MED13: variants seen among roughly 807,000 people sequenced by gnomAD.
The protein encoded by MED13 is mediator of RNA polymerase II transcription subunit 13.
Under a neutral mutation model 225.2 loss-of-function variants are expected in MED13, and 23 were observed. That is an observed-to-expected ratio of 0.10 (90% CI 0.07 to 0.14). MED13 has a LOEUF of 0.14. Ranked by LOEUF, MED13 falls within the 10% of genes least tolerant of loss-of-function variation. The pLI is 1.00. For missense variants in MED13, 2,197 were observed against 2,594.5 expected, an observed-to-expected ratio of 0.85 and a Z score of 3.33; for synonymous variants, 942 against 889.2, an observed-to-expected ratio of 1.06 and a Z score of -1.06.
rs978300413 is a variant in MED13 at position 61,965,582 on chromosome 17, G to A, written c.4382-114C>T. 1.0e-5 allele frequency: 11 copies of A among 1,081,812 alleles called. No individual in the cohort carries two copies. The Admixed American group carries it at 1.7e-4, about 17-fold the overall frequency. The allele number at this position is 1,081,812 out of a possible 1,614,324, so 67.0% of individuals were successfully genotyped here. On this transcript the variant is annotated intron_variant, in intron 19 of 29. Coordinates refer to ENST00000397786, the MANE Select transcript of MED13 (RefSeq NM_005121.3). ...AGTTGATGTTTTCTTGGTAATTATA[G>A]CCCCGAAATTGCTTGCTAATGGTGT...
At chr17:61,955,043 T>A (rs1042981896) in intron 26 of MED13, among the ~76,000 whole-genome samples, 1 of 152,212 alleles carries the variant, frequency 6.6e-6, no homozygotes, top group Non-Finnish European at 1.5e-5. Context: ...AGTCTAGAAC[T>A]ATATTCTTTG....
intron 2 of MED13, among the ~76,000 whole-genome samples, chr17:62,061,816 A>G (rs2081041524): frequency 6.6e-6 from 1 of 152,240 alleles, no homozygotes; most frequent in African/African-American, 2.4e-5. Flanking sequence ...TTAGAACTAC[A>G]TTAAATACAC....
In MED13 at chr17:61,995,283, C is replaced by T; in HGVS notation, c.2050G>A (p.Ala684Thr). The T allele has an allele frequency of 6.2e-7, 1 of 1,613,692 alleles. No homozygotes were observed. ...TCTTGTTCTGCATCAGATGCTATTG[C>T]TGAAAGACACTGGTTTTTAATTTGA... ...QYQIKNQCLS[A>T]IASDAEQEPK... Residue 684 changes from alanine (A) to threonine (T), a missense_variant, in exon 10 of 30, where the codon GCA becomes ACA. Physicochemically the swap from Ala to Thr is moderately conservative, Grantham distance 58. Transcript: ENST00000397786.
chr17:62,018,971 G>A (rs569391645), intron 8 of MED13, among the ~76,000 whole-genome samples: 10 of 152,282 alleles, frequency 6.6e-5, no homozygotes, highest in African/African-American at 2.4e-4. Flanking sequence ...TCAGTTATTA[G>A]TGAAGTACAA....
rs780285438 is a variant in MED13, at chr17:61,966,450, C to T, written c.4381+12G>A. The T allele has an allele frequency of 3.1e-6, 5 of 1,596,796 alleles. No individual in the cohort carries two copies. The South Asian group carries it at 3.4e-5, about 11-fold the overall frequency. On this transcript the variant is annotated intron_variant, in intron 19 of 29. Transcript: ENST00000397786. ...TAACACCAGCCTTATACAATAAATACAAATTCAATACCTAGGTCATATCTG... is the reference window on the plus strand; with the variant it reads ...TAACACCAGCCTTATACAATAAATATAAATTCAATACCTAGGTCATATCTG...
At chr17:61,961,519 CAAAA>C (rs56723756) in intron 22 of MED13, 65 bp downstream of exon 22, 6,194 of 724,772 alleles carry the variant, frequency 8.5e-3, no homozygotes, top group African/African-American at 0.018. Context: ...GGCTCCATCT[CAAAA>C]AAAAAAAAAA....
intron 26 of MED13, among the ~76,000 whole-genome samples, chr17:61,954,696 G>C (rs1229196454): frequency 1.3e-5 from 2 of 152,166 alleles, no homozygotes; most frequent in Non-Finnish European, 2.9e-5. Flanking sequence ...AGCATCGCTT[G>C]AACCCAGGAG....
Position 62,036,471 on chromosome 17 carries a change from G to GTGTA in MED13, c.471-867_471-864dup, listed in dbSNP as rs563953934. Among the ~76,000 whole-genome samples the GTGTA allele has an allele frequency of 1.1e-3, 173 of 152,254 alleles. 1 individual carries two copies. Among genetic ancestry groups the GTGTA allele is most frequent in the Middle Eastern group, 6.8e-3 (2 of 294 alleles). On this transcript the variant is annotated intron_variant, in intron 3 of 29. Transcript: ENST00000397786. ...TCAAGTTGCGCAGAGGAGGATAAGA[G>GTGTA]TGTACACTAAGAAAATAAACTCTTT...
chr17:62,000,758 G>T (rs2080387756), intron 9 of MED13, among the ~76,000 whole-genome samples: 1 of 151,910 alleles, frequency 6.6e-6, no homozygotes, highest in Admixed American at 6.6e-5. Context: ...CAATAGTTTT[G>T]TTTTTTGTTG....
At chr17:61,981,636 T>C (rs775875737) in intron 16 of MED13, among the ~76,000 whole-genome samples, 3 of 152,252 alleles carry the variant, frequency 2.0e-5, no homozygotes. Flanking sequence ...CTATGTTATG[T>C]AGGAGTTTTC....
At chr17:62,048,070 A>ATATATATATATATATATATG (rs2080918000) in intron 3 of MED13, among the ~76,000 whole-genome samples, 2 of 146,366 alleles carry the variant, frequency 1.4e-5, no homozygotes, top group African/African-American at 5.0e-5. Flanking sequence ...ATATGTATAT[A>ATATATATATATATATATATG]TGTATATATA....
intron 16 of MED13, among the ~76,000 whole-genome samples, chr17:61,979,044 C>T (rs2080181212): frequency 6.6e-6 from 1 of 152,172 alleles, no homozygotes; most frequent in Non-Finnish European, 1.5e-5. Context: ...TGTGAAATTT[C>T]AAGAATTAAC....
intron 22 of MED13, 105 bp from the exon 23 acceptor site, chr17:61,961,195 G>C: frequency 9.4e-7 from 1 of 1,061,750 alleles, no homozygotes; most frequent in Non-Finnish European, 1.3e-6. Flanking sequence ...ATTGGAAAAT[G>C]ACAGCTAAGC....
At chr17:62,013,542 G>A (rs2080531919) in intron 8 of MED13, among the ~76,000 whole-genome samples, 1 of 151,184 alleles carries the variant, frequency 6.6e-6, no homozygotes, top group Non-Finnish European at 1.5e-5. Context: ...TGATCTGATG[G>A]ATATCTATGA....
intron 9 of MED13, among the ~76,000 whole-genome samples, chr17:62,009,807 T>C (rs2080488895): frequency 6.6e-6 from 1 of 152,032 alleles, no homozygotes; most frequent in Non-Finnish European, 1.5e-5. Flanking sequence ...AAACTGAAAA[T>C]AACCAACATA....
chr17:62,010,196 G>A (rs1032049656), intron 9 of MED13, among the ~76,000 whole-genome samples: 1 of 151,376 alleles, frequency 6.6e-6, no homozygotes, highest in Non-Finnish European at 1.5e-5. Flanking sequence ...ACTCTAGCCT[G>A]GGTGACAGAG....
intron 3 of MED13, among the ~76,000 whole-genome samples, chr17:62,037,701 T>A (rs967976873): frequency 8.9e-5 from 13 of 146,472 alleles, no homozygotes; most frequent in Non-Finnish European, 1.5e-4. Flanking sequence ...AGGCCTGTAA[T>A]CCCAGCACTT....
At position 61,961,657 on chromosome 17, in the gene MED13, T is replaced by C; in HGVS notation, c.5187A>G (p.Ser1729=). 8 of 1,614,140 alleles carry C rather than the reference T, an allele frequency of 5.0e-6. No homozygotes were observed. Among genetic ancestry groups the C allele is most frequent in the Non-Finnish European group, 5.9e-6 (7 of 1,180,018 alleles). The change falls in exon 22 of 30, where the codon TCA becomes TCG. Residue 1729 remains serine, a synonymous_variant. Coordinates refer to ENST00000397786, the MANE Select transcript of MED13 (RefSeq NM_005121.3). The part of the protein sequence containing the change: ...FTQCRRPLPT[S]TNVKTLTGFG... ...AGCCAGTCAATGTTTTCACATTGGT[T>C]GATGTTGGAAGTGGCCTCCGACACT...
chr17:62,018,832 T>C (rs532338285), intron 8 of MED13, among the ~76,000 whole-genome samples: 103 of 152,250 alleles, frequency 6.8e-4, no homozygotes, highest in Non-Finnish European at 1.2e-3. Context: ...TTCTAGAATA[T>C]CGATCCTACA....
Sources: allele counts gnomAD v4.1 joint callset (sites outside exome capture counted in the v4.1 genomes callset), GRCh38; gene constraint gnomAD v4.1.1; transcripts MANE v1.5; gene names NCBI Gene and HGNC (gene_info 2026-07-23, HGNC 2026-07-21).